Variants in CMC1 observed in about 807,000 individuals in gnomAD.
CMC1 encodes C-X9-C motif containing 1.
In CMC1, 14 loss-of-function variants were observed where a neutral mutation model predicts 14.1. The observed-to-expected ratio is 0.99, with a 90% CI of 0.66 to 1.55. The LOEUF (loss-of-function observed/expected upper bound fraction) is 1.55, where lower values mean the gene tolerates loss of function less well. Among genes scored for constraint, CMC1 ranks in the 40% most tolerant of loss-of-function variants. CMC1 has a pLI of 0.00. For synonymous variants in CMC1, 50 were observed against 38.4 expected, an observed-to-expected ratio of 1.30 and a Z score of -1.12; for missense variants, 127 against 123.8, an observed-to-expected ratio of 1.03 and a Z score of -0.12.
intron 2 of CMC1, chr3:28,314,877 C>G (rs562351187): frequency 6.6e-6 from 1 of 152,028 alleles, no homozygotes; most frequent in South Asian, 2.1e-4. Flanking sequence ...GATTATCTGT[C>G]TAAGACAATT....
chr3:28,324,089 G>A lies in CMC1; in HGVS notation c.*4460G>A. The A allele has an allele frequency of 6.2e-7, 1 of 1,609,978 alleles. No individual in the cohort carries two copies. Among genetic ancestry groups the A allele is most frequent in the Non-Finnish European group, 8.5e-7 (1 of 1,177,202 alleles). ...TGATTATGTTGATCCAAGTAATGCA[G>A]TGGTGGAAGGTTGGGTAAAGGCAAA... is the stretch of plus-strand genomic sequence containing the variant. On this transcript the variant is annotated 3_prime_UTR_variant, in exon 4 of 4. Transcript: ENST00000466830.
chr3:28,279,773 G>C (rs1052594220), intron 2 of CMC1, among the ~76,000 whole-genome samples: 3 of 151,764 alleles, frequency 2.0e-5, no homozygotes, highest in Non-Finnish European at 4.4e-5. Context: ...TAAAAAATGA[G>C]CAAAACCCTT....
At chr3:28,309,476 T>G (rs1702509763) in intron 2 of CMC1, among the ~76,000 whole-genome samples, 1 of 152,144 alleles carries the variant, frequency 6.6e-6, no homozygotes, top group Admixed American at 6.5e-5. Context: ...TATCCTTGAC[T>G]CGTCCTTCTA....
At chr3:28,287,617 G>T (rs1441031022) in intron 2 of CMC1, among the ~76,000 whole-genome samples, 4 of 151,984 alleles carry the variant, frequency 2.6e-5, no homozygotes, top group Non-Finnish European at 4.4e-5. Context: ...ACTTTAAAAA[G>T]ATTTGTGTGT....
intron 2 of CMC1, among the ~76,000 whole-genome samples, chr3:28,267,551 T>C (rs1700069169): frequency 6.6e-6 from 1 of 152,230 alleles, no homozygotes; most frequent in African/African-American, 2.4e-5. Flanking sequence ...TGTTGCAGTC[T>C]TTATGATCTG....
Position 28,324,098 on chromosome 3 carries a change from G to C in CMC1, c.*4469G>C, listed in dbSNP as rs765002241. Reference sequence around the variant, plus strand: ...TGATCCAAGTAATGCAGTGGTGGAAGGTTGGGTAAAGGCAAAGTTTTAGTT... The same window carrying C: ...TGATCCAAGTAATGCAGTGGTGGAACGTTGGGTAAAGGCAAAGTTTTAGTT... On this transcript the variant is annotated 3_prime_UTR_variant, in exon 4 of 4. Coordinates refer to ENST00000466830, the MANE Select transcript of CMC1 (RefSeq NM_182523.2). The C allele has an allele frequency of 8.7e-6, 14 of 1,609,990 alleles. No homozygotes were observed. In the East Asian group the frequency reaches 2.9e-4, roughly 33 times the overall value.
rs1351465983 is a variant in CMC1 at position 28,319,661 on chromosome 3, A to G, written c.*32A>G. 1.3e-6 allele frequency: 2 copies of G among 1,563,374 alleles called. No homozygotes were observed. Among genetic ancestry groups the G allele is most frequent in the African/African-American group, 1.4e-5 (1 of 72,282 alleles). ...ACTCAAATGACATTCAGGAACTCTA[A>G]TATTCATGGAAGTCATTTTATAGTC... On this transcript the variant is annotated 3_prime_UTR_variant, in exon 4 of 4. Transcript: ENST00000466830.
At chr3:28,272,955 G>A (rs570347079) in intron 2 of CMC1, among the ~76,000 whole-genome samples, 27 of 152,300 alleles carry the variant, frequency 1.8e-4, no homozygotes, top group African/African-American at 6.0e-4. Flanking sequence ...AAAGTGCTGG[G>A]ATTACAGGTG....
chr3:28,272,462 G>A (rs1210823821), intron 2 of CMC1, among the ~76,000 whole-genome samples: 1 of 151,808 alleles, frequency 6.6e-6, no homozygotes, highest in Non-Finnish European at 1.5e-5. Flanking sequence ...GCCCTTTTTT[G>A]CATCTGTTGA....
In CMC1 at chr3:28,283,670, C is replaced by A. The variant is rs190023195; in HGVS notation, c.109+20290C>A. Among the ~76,000 whole-genome samples the A allele has an allele frequency of 1.9e-4, 29 of 151,896 alleles. 1 individual carries two copies. In the East Asian group the frequency reaches 5.6e-3, roughly 29 times the overall value. On this transcript the variant is annotated intron_variant, in intron 2 of 3. Transcript: ENST00000466830. Reference sequence around the variant, plus strand: ...CCTTGAGCATTTTATGTGGTGATTTCATTTCCATTCTAACTGACTGTTCCA... The same window carrying A: ...CCTTGAGCATTTTATGTGGTGATTTAATTTCCATTCTAACTGACTGTTCCA...
At chr3:28,301,928 T>C (rs1702069540) in intron 2 of CMC1, among the ~76,000 whole-genome samples, 1 of 150,894 alleles carries the variant, frequency 6.6e-6, no homozygotes, top group South Asian at 2.1e-4. Flanking sequence ...ACACACACAC[T>C]ATGGAACTGG....
intron 1 of CMC1, among the ~76,000 whole-genome samples, chr3:28,249,188 G>A (rs1955313): frequency 0.04 from 6,106 of 152,266 alleles, 384 homozygotes; most frequent in African/African-American, 0.13. Flanking sequence ...CTGTTACTGG[G>A]AGATTCTTAC....
At chr3:28,279,656 G>GA (rs542242111) in intron 2 of CMC1, among the ~76,000 whole-genome samples, 32,066 of 125,816 alleles carry the variant, frequency 0.25, 4,004 homozygotes, top group Middle Eastern at 0.32. Context: ...TTCTAAAACT[G>GA]AAAAAAAAAA....
Position 28,320,157 on chromosome 3 carries a change from A to T in CMC1, c.*528A>T, listed in dbSNP as rs796369455. 4.0e-5 allele frequency: 6 copies of T among 151,790 alleles called. No homozygotes were observed. Among genetic ancestry groups the T allele is most frequent in the African/African-American group, 1.5e-4 (6 of 41,370 alleles). The allele number at this position is 151,790 out of a possible 1,614,324, so 9.4% of individuals were successfully genotyped here. The stretch of plus-strand genomic sequence containing the variant: ...AGCAGGTACACGTACAGTGTATAAG[A>T]CAGTGCTTCAGACCTGGTACATGCT... On this transcript the variant is annotated 3_prime_UTR_variant, in exon 4 of 4. Coordinates refer to ENST00000466830, the MANE Select transcript of CMC1 (RefSeq NM_182523.2).
intron 1 of CMC1, among the ~76,000 whole-genome samples, chr3:28,242,714 G>A (rs1698596133): frequency 6.6e-6 from 1 of 152,176 alleles, no homozygotes; most frequent in Admixed American, 6.5e-5. Flanking sequence ...GGAAACTGAG[G>A]CGAAGAGAAG....
intron 2 of CMC1, among the ~76,000 whole-genome samples, chr3:28,309,852 CACACACACAA>C (rs1318583370): frequency 4.8e-5 from 7 of 146,644 alleles, no homozygotes; most frequent in Admixed American, 2.0e-4. Flanking sequence ...CACACACACA[CACACACACAA>C]GCTAATTGCA....
intron 2 of CMC1, among the ~76,000 whole-genome samples, chr3:28,315,522 C>T (rs554530321): frequency 4.6e-5 from 7 of 152,224 alleles, no homozygotes; most frequent in African/African-American, 1.7e-4. Flanking sequence ...GGGAATCCAC[C>T]GGCTTTTGTT....
chr3:28,284,995 T>C (rs1456819441), intron 2 of CMC1, among the ~76,000 whole-genome samples: 1 of 152,220 alleles, frequency 6.6e-6, no homozygotes, highest in African/African-American at 2.4e-5. Context: ...AGCTTCTTCC[T>C]ACTCTGTGTT....
chr3:28,275,968 G>A (rs907893693), intron 2 of CMC1, among the ~76,000 whole-genome samples: 5 of 152,286 alleles, frequency 3.3e-5, no homozygotes, highest in South Asian at 2.1e-4. Flanking sequence ...CCCTGGCACC[G>A]GCAGGGGAAA....
Sources: allele counts gnomAD v4.1 joint callset (sites outside exome capture counted in the v4.1 genomes callset), GRCh38; gene constraint gnomAD v4.1.1; transcripts MANE v1.5; gene names NCBI Gene and HGNC (gene_info 2026-07-23, HGNC 2026-07-21).